Variants in NTN1 observed in about 807,000 individuals in gnomAD.
NTN1 encodes netrin 1.
NTN1 carries 11 observed loss-of-function variants against 54.2 expected under a neutral mutation model. The observed-to-expected ratio is 0.20, with a 90% CI of 0.13 to 0.34. The LOEUF is 0.34. NTN1 is among the 10% of genes least tolerant of loss of function. The probability of loss-of-function intolerance (pLI) is 1.00; values close to 1 mark genes in which losing one functional copy is unlikely to be tolerated. For synonymous variants in NTN1, 371 were observed against 382.0 expected, an observed-to-expected ratio of 0.97 and a Z score of 0.33; for missense variants, 740 against 893.1, an observed-to-expected ratio of 0.83 and a Z score of 2.18.
intron 2 of NTN1, among the ~76,000 whole-genome samples, chr17:9,138,339 G>GC (rs1308958327): frequency 2.0e-5 from 3 of 152,142 alleles, no homozygotes; most frequent in East Asian, 3.9e-4. Flanking sequence ...AGTGGTGGGG[G>GC]CCCCGTCTGG....
At chr17:9,028,051 G>C (rs906578868) in intron 2 of NTN1, among the ~76,000 whole-genome samples, 6 of 151,910 alleles carry the variant, frequency 3.9e-5, no homozygotes, top group Non-Finnish European at 8.8e-5. Context: ...CTTGAACCTG[G>C]GAGGCGGAGG....
At chr17:9,080,586 C>T (rs1457730764) in intron 2 of NTN1, among the ~76,000 whole-genome samples, 2 of 152,222 alleles carry the variant, frequency 1.3e-5, no homozygotes, top group Non-Finnish European at 2.9e-5. Flanking sequence ...CTTTTGTGTG[C>T]TAAGGATTGG....
chr17:9,101,769 G>A (rs2092151188), intron 2 of NTN1, among the ~76,000 whole-genome samples: 1 of 152,196 alleles, frequency 6.6e-6, no homozygotes, highest in Non-Finnish European at 1.5e-5. Flanking sequence ...GAGGCAGGAG[G>A]ATTGCTTGAG....
At chr17:9,226,298 G>A (rs1054521285) in intron 6 of NTN1, among the ~76,000 whole-genome samples, 14 of 152,198 alleles carry the variant, frequency 9.2e-5, no homozygotes, top group East Asian at 7.7e-4. Context: ...CCGGGGCCTC[G>A]GTTTCCTCAT....
At position 9,229,669 on chromosome 17, in the gene NTN1, C is replaced by T. The variant is rs539299129; in HGVS notation, c.1486+8427C>T. Reference sequence around the variant, plus strand: ...ACAGGCGGGAGCGGGCACCGTGGTGCTGGGGATGTCCGAGATGATGGAGCA... The same window carrying T: ...ACAGGCGGGAGCGGGCACCGTGGTGTTGGGGATGTCCGAGATGATGGAGCA... On this transcript the variant is annotated intron_variant, in intron 6 of 6. Coordinates refer to ENST00000173229, the MANE Select transcript of NTN1 (RefSeq NM_004822.3). Among the ~76,000 whole-genome samples the T allele has an allele frequency of 2.6e-5, 4 of 151,904 alleles. No individual in the cohort carries two copies. In the South Asian group the frequency reaches 8.3e-4, roughly 32 times the overall value.
At chr17:9,237,122 G>A (rs1597555254) in intron 6 of NTN1, among the ~76,000 whole-genome samples, 2 of 152,168 alleles carry the variant, frequency 1.3e-5, no homozygotes, top group East Asian at 3.8e-4. Flanking sequence ...AGCTTCTAGG[G>A]CTGCCAGAAC....
At chr17:9,084,457 AG>A (rs1336909261) in intron 2 of NTN1, among the ~76,000 whole-genome samples, 1 of 152,142 alleles carries the variant, frequency 6.6e-6, no homozygotes, top group Non-Finnish European at 1.5e-5. Context: ...TTGTTTTCAC[AG>A]GACGCTGTCA....
chr17:9,228,965 T>A (rs1353117276), intron 6 of NTN1, among the ~76,000 whole-genome samples: 5 of 151,894 alleles, frequency 3.3e-5, no homozygotes, highest in Non-Finnish European at 5.9e-5. Flanking sequence ...CGTGTGTGAT[T>A]GTGTTTACGA....
intron 2 of NTN1, among the ~76,000 whole-genome samples, chr17:9,117,254 T>C (rs2092216415): frequency 6.6e-6 from 1 of 152,102 alleles, no homozygotes; most frequent in African/African-American, 2.4e-5. Context: ...GGGAAGGAGC[T>C]GCCTGGTGGC....
intron 2 of NTN1, among the ~76,000 whole-genome samples, chr17:9,124,937 G>A (rs2092241676): frequency 6.6e-6 from 1 of 152,212 alleles, no homozygotes; most frequent in Non-Finnish European, 1.5e-5. Flanking sequence ...GAGTCGGCAT[G>A]TGTGTGCATT....
At chr17:9,220,750 G>A (rs938334290) in intron 5 of NTN1, among the ~76,000 whole-genome samples, 31 of 152,062 alleles carry the variant, frequency 2.0e-4, no homozygotes, top group Admixed American at 4.6e-4. Context: ...CAGAGGCTCC[G>A]CACCATGAAA....
At chr17:9,110,537 T>G (rs1370948243) in intron 2 of NTN1, among the ~76,000 whole-genome samples, 1 of 152,108 alleles carries the variant, frequency 6.6e-6, no homozygotes, top group Admixed American at 6.5e-5. Context: ...CCTCCCAAAG[T>G]GCTGGGATTA....
At chr17:9,193,952 C>G (rs1904552170) in intron 5 of NTN1, among the ~76,000 whole-genome samples, 4 of 72,360 alleles carry the variant, frequency 5.5e-5, no homozygotes, top group African/African-American at 1.3e-4. Flanking sequence ...AAACATTATG[C>G]AGGTTGGGCG....
intron 5 of NTN1, among the ~76,000 whole-genome samples, chr17:9,191,246 AG>A (rs1365183621): frequency 6.6e-6 from 1 of 152,208 alleles, no homozygotes; most frequent in Non-Finnish European, 1.5e-5. Context: ...GGATCATCTG[AG>A]GTCAGGAGTT....
chr17:9,238,076 C>A (rs1047598918), intron 6 of NTN1, among the ~76,000 whole-genome samples: 33 of 152,314 alleles, frequency 2.2e-4, no homozygotes, highest in Non-Finnish European at 2.2e-4. Flanking sequence ...CCTCCCCATC[C>A]CCTGGTCCAT....
At chr17:9,160,005 A>G in intron 2 of NTN1, among the ~76,000 whole-genome samples, 1 of 152,212 alleles carries the variant, frequency 6.6e-6, no homozygotes, top group East Asian at 1.9e-4. Flanking sequence ...GAAACGACCT[A>G]TAGGTGCCCA....
At chr17:9,178,014 T>TTAAA (rs2092405570) in intron 3 of NTN1, among the ~76,000 whole-genome samples, 1 of 152,092 alleles carries the variant, frequency 6.6e-6, no homozygotes, top group Admixed American at 6.5e-5. Context: ...GGCTGACGTG[T>TTAAA]TAAAACCCCA....
chr17:9,239,087 C>T lies in NTN1; in HGVS notation c.1487-553C>T, dbSNP rs1336270934. Among the ~76,000 whole-genome samples, 6 of 152,238 alleles carry T rather than the reference C, an allele frequency of 3.9e-5. No individual in the cohort carries two copies. Among genetic ancestry groups the T allele is most frequent in the South Asian group, 4.2e-4 (2 of 4,818 alleles). ...GTGGGAAGCGGCAGTCCAAGGTTCC[C>T]GGGGCTCTGGAAAAGGCACTACGGC... On this transcript the variant is annotated intron_variant, in intron 6 of 6. Transcript: ENST00000173229. This position sits in a 1 kb window ranked among gnomAD's most constrained non-coding sequence, Gnocchi z 5.2.
In NTN1 at chr17:9,208,779, C is replaced by T. The variant is rs970361576; in HGVS notation, c.1412-12389C>T. ...CCCTTGGGCCTGATGTACTCTTCAT[C>T]CCCAGCCCTGCCTGGCTCTAGGCCT... is the stretch of plus-strand genomic sequence containing the variant. On this transcript the variant is annotated intron_variant, in intron 5 of 6. Transcript: ENST00000173229. Among the ~76,000 whole-genome samples the T allele has an allele frequency of 1.6e-4, 25 of 152,240 alleles. 1 individual carries two copies. Among genetic ancestry groups the T allele is most frequent in the African/African-American group, 6.0e-4 (25 of 41,476 alleles).
Sources: gnomAD v4.1 joint callset for allele counts (sites outside exome capture counted in the v4.1 genomes callset) on GRCh38, gnomAD v4.1.1 for gene constraint, Gnocchi (gnomAD v3.1) non-coding constraint, MANE v1.5 for transcripts, NCBI Gene and HGNC (gene_info 2026-07-23, HGNC 2026-07-21) for gene names.